The following MXRA5 variants were observed in gnomAD, a reference collection of about 807,000 sequenced individuals.
MXRA5 encodes matrix-remodeling-associated protein 5.
Under a neutral mutation model 112.5 loss-of-function variants are expected in MXRA5, and 41 were observed. The observed-to-expected ratio is 0.36, with a 90% CI of 0.28 to 0.47. The LOEUF (loss-of-function observed/expected upper bound fraction) is 0.47, where lower values mean the gene tolerates loss of function less well. MXRA5 is among the 20% of genes least tolerant of loss of function. The probability of loss-of-function intolerance (pLI) is 0.99; values close to 1 mark genes in which losing one functional copy is unlikely to be tolerated. For synonymous variants in MXRA5, 862 were observed against 900.8 expected, an observed-to-expected ratio of 0.96 and a Z score of 0.77; for missense variants, 2,150 against 2,251.0, an observed-to-expected ratio of 0.96 and a Z score of 0.91.
chrX:3,317,665 C>T lies in MXRA5; in HGVS notation c.6016G>A (p.Glu2006Lys). 1 of 1,203,381 alleles carries T rather than the reference C, an allele frequency of 8.3e-7. No individual in the cohort carries two copies. Among genetic ancestry groups the T allele is most frequent in the Non-Finnish European group, 1.1e-6 (1 of 889,756 alleles). The change falls in exon 6 of 7, where the codon GAA (glutamate) becomes AAA (lysine). Residue 2006 changes from glutamate (E) to lysine (K), a missense_variant. By Grantham distance (56) the Glu-to-Lys change is moderately conservative (BLOSUM62 1). This residue lies in a region of MXRA5 where 1,485 missense variants were observed against 1,471.6 expected (regional missense o/e 1.01). Coordinates refer to ENST00000217939, the MANE Select transcript of MXRA5 (RefSeq NM_015419.4). ...SPVEGRITLH[E>K]NRTLSIKEAS... ...TCCTTGATGGAAAGGGTCCGGTTTT[C>T]GTGCAGGGTGATGCGGCCCTCCACG...
chrX:3,341,496 ATAT>A (rs1161285264), intron 2 of MXRA5, among the ~76,000 whole-genome samples: 2 of 21,733 alleles, frequency 9.2e-5, no homozygotes, highest in African/African-American at 9.4e-4. Context: ...TATGTAATAT[ATAT>A]TATTATTATA....
Position 3,311,113 on chromosome X carries a change from C to A in MXRA5, c.7090G>T (p.Val2364Phe). Residue 2364 changes from valine (V) to phenylalanine (F), a missense_variant, in exon 7 of 7, where the codon GTC becomes TTC. Around this residue, in one of 6 missense-constraint regions of MXRA5, gnomAD observed 1,485 missense variants for 1,471.6 expected, o/e 1.01. Transcript: ENST00000217939. ...LAVQVPYGDVVTVACEAKGEP... is the reference protein window; with the variant it reads ...LAVQVPYGDVFTVACEAKGEP... ...CCTTTGGCCTCACAGGCTACAGTGA[C>A]CACGTCTCCATAGGGCACCTGAACC... 8.3e-7 allele frequency: 1 copy of A among 1,211,628 alleles called. No homozygotes were observed.
chrX:3,334,305 A>G (rs920078837), intron 2 of MXRA5, among the ~76,000 whole-genome samples: 1 of 111,898 alleles, frequency 8.9e-6, no homozygotes. Flanking sequence ...GAGGTCAGGC[A>G]CACTTCACGT....
rs950461411 is a variant in MXRA5, at chrX:3,308,622, A to G, written c.*1094T>C. Reference sequence around the variant, plus strand: ...TACAGTATATTGACCTTAAAAATACAGTAAAGCAGTCATGGAAATAACAGG... The same window carrying G: ...TACAGTATATTGACCTTAAAAATACGGTAAAGCAGTCATGGAAATAACAGG... On this transcript the variant is annotated 3_prime_UTR_variant, in exon 7 of 7. Coordinates refer to ENST00000217939, the MANE Select transcript of MXRA5 (RefSeq NM_015419.4). The G allele has an allele frequency of 1.8e-5, 2 of 112,192 alleles. No individual in the cohort carries two copies. Among genetic ancestry groups the G allele is most frequent in the African/African-American group, 6.5e-5 (2 of 30,832 alleles). The allele number at this position is 112,192 out of a possible 1,213,427, so 9.2% of individuals were successfully genotyped here.
At chrX:3,329,153 A>AGAAGGAAG (rs201326721) in intron 4 of MXRA5, among the ~76,000 whole-genome samples, 15 of 66,900 alleles carry the variant, frequency 2.2e-4, no homozygotes, top group Admixed American at 3.8e-4. Flanking sequence ...AAGGAAGGAG[A>AGAAGGAAG]GAAGGAAGGA....
rs769002082 is a variant in MXRA5 at position 3,310,515 on chromosome X, T to C, written c.7688A>G (p.Asn2563Ser). ...TGTCGGGGTCCCCGCGGCAGAGCAG[T>C]TGAGGCTGATGGTGTGGCCCGCCAT... ...TAMAGHTISL[N>S]CSAAGTPTPS... The change falls in exon 7 of 7, where the codon AAC (asparagine) becomes AGC (serine). Residue 2563 changes from asparagine (N) to serine (S), a missense_variant. Physicochemically the swap from Asn to Ser is conservative, Grantham distance 46. Around this residue, in one of 6 missense-constraint regions of MXRA5, gnomAD observed 93 missense variants for 135.5 expected, o/e 0.69. Transcript: ENST00000217939. 4.2e-6 allele frequency: 5 copies of C among 1,195,808 alleles called. No homozygotes were observed. Among genetic ancestry groups the C allele is most frequent in the Non-Finnish European group, 5.6e-6 (5 of 889,238 alleles).
At chrX:3,330,841 C>T in intron 2 of MXRA5, 68 bp from the exon 3 acceptor site, 1 of 797,104 alleles carries the variant, frequency 1.3e-6, no homozygotes, top group African/African-American at 2.1e-5. Flanking sequence ...ATACTTAACT[C>T]CCATATGGGA....
At position 3,317,216 on chromosome X, in the gene MXRA5, C is replaced by T; in HGVS notation, c.6465G>A (p.Arg2155=). 1 of 1,211,293 alleles carries T rather than the reference C, an allele frequency of 8.3e-7. No individual in the cohort carries two copies. Among genetic ancestry groups the T allele is most frequent in the Non-Finnish European group, 1.1e-6 (1 of 895,385 alleles). ...NARITGTSPR[R]TDVRYGGTLK... is the part of the protein sequence containing the mutation. ...GGGTTCCTCCGTACCTGACGTCCGT[C>T]CTCCGCGGGGAGGTGCCCGTGATGC... The change falls in exon 6 of 7, where the codon AGG becomes AGA. Residue 2155 remains arginine, a synonymous_variant. Coordinates refer to ENST00000217939, the MANE Select transcript of MXRA5 (RefSeq NM_015419.4).
chrX:3,311,755 GC>G, intron 6 of MXRA5, 131 bp from the exon 7 acceptor site: 1 of 534,253 alleles, frequency 1.9e-6, no homozygotes, highest in Non-Finnish European at 3.0e-6. Context: ...ATTGCAGAAT[GC>G]CCAGTGGTTT....
Position 3,311,465 on chromosome X carries a change from T to C in MXRA5, c.6738A>G (p.Glu2246=). 1 of 1,211,680 alleles carries C rather than the reference T, an allele frequency of 8.3e-7. No individual in the cohort carries two copies. ...CTTTGTGGTCGTTCTCCTCCTTGTG[T>C]TCAATCTTGGCCGGTTTCATCACCA... ...VDVVMKPAKI[E]HKEENDHKVF... The change falls in exon 7 of 7, where the codon GAA becomes GAG. Residue 2246 remains glutamate, a synonymous_variant. Transcript: ENST00000217939.
chrX:3,315,399 A>AGATAGATAGATAGAT lies in MXRA5; in HGVS notation c.6578+1689_6578+1703dup, dbSNP rs1569181378. On this transcript the variant is annotated intron_variant, in intron 6 of 6. Transcript: ENST00000217939. Reference sequence around the variant, plus strand: ...ATAGATAGATAGATAGATGATAGATAGATAGATAGATAGATAGATAGAACC... The same window carrying AGATAGATAGATAGAT: ...ATAGATAGATAGATAGATGATAGATAGATAGATAGATAGATGATAGATAGATAGATAGATAGAACC... 9.2e-3 allele frequency among the ~76,000 whole-genome samples: 463 copies of AGATAGATAGATAGAT among 50,380 alleles called. 38 individuals carry two copies. Among genetic ancestry groups the AGATAGATAGATAGAT allele is most frequent in the African/African-American group, 0.031 (434 of 13,966 alleles). The allele number at this position is 50,380 out of a possible 115,157, so 43.7% of individuals were successfully genotyped here.
intron 2 of MXRA5, among the ~76,000 whole-genome samples, chrX:3,338,768 G>T (rs1034953367): frequency 1.8e-5 from 2 of 110,438 alleles, no homozygotes; most frequent in Non-Finnish European, 3.8e-5. Flanking sequence ...AGATAGATTG[G>T]CTGATTGATG....
At chrX:3,340,639 A>G (rs1258800035) in intron 2 of MXRA5, among the ~76,000 whole-genome samples, 3 of 111,012 alleles carry the variant, frequency 2.7e-5, no homozygotes, top group Non-Finnish European at 3.8e-5. Flanking sequence ...GTTAAAGTCA[A>G]TCTTTATCGT....
Position 3,320,939 on chromosome X carries a change from A to G in MXRA5, c.4746T>C (p.Gly1582=), listed in dbSNP as rs1158423466. 1 of 1,210,158 alleles carries G rather than the reference A, an allele frequency of 8.3e-7. No individual in the cohort carries two copies. Among genetic ancestry groups the G allele is most frequent in the Non-Finnish European group, 1.1e-6 (1 of 895,320 alleles). Residue 1582 remains glycine (G), a synonymous_variant, in exon 5 of 7, where the codon GGT becomes GGC. Transcript: ENST00000217939. ...TKLELEKQVF[G]SRSLPRGPDS... is the part of the protein sequence containing the mutation. ...CTGGGCCACGTGGTAGACTCCTACT[A>G]CCAAATACTTGCTTTTCCAATTCCA...
intron 3 of MXRA5, 72 bp downstream of exon 3, chrX:3,330,572 C>A: frequency 8.6e-7 from 1 of 1,162,792 alleles, no homozygotes; most frequent in Non-Finnish European, 1.1e-6. Flanking sequence ...AGGAGAATGA[C>A]ATAATTTCTA....
At chrX:3,334,228 C>T (rs775949469) in intron 2 of MXRA5, among the ~76,000 whole-genome samples, 3 of 111,603 alleles carry the variant, frequency 2.7e-5, no homozygotes, top group South Asian at 7.6e-4. Context: ...GTGATCTACC[C>T]GCCTCGGCCT....
chrX:3,311,475 G>A lies in MXRA5; in HGVS notation c.6728C>T (p.Ala2243Val). ...VLKVDVVMKP[A>V]KIEHKEENDH... ...GTTCTCCTCCTTGTGTTCAATCTTG[G>A]CCGGTTTCATCACCACATCCACTTT... The change falls in exon 7 of 7, where the codon GCC (alanine) becomes GTC (valine). Residue 2243 changes from alanine (A) to valine (V), a missense_variant. Coordinates refer to ENST00000217939, the MANE Select transcript of MXRA5 (RefSeq NM_015419.4). The A allele has an allele frequency of 8.3e-7, 1 of 1,211,429 alleles. No homozygotes were observed. The highest frequency in any genetic ancestry group is 1.1e-6 in the Non-Finnish European group (1 of 895,518).
Position 3,323,321 on chromosome X carries a change from G to T in MXRA5, c.2364C>A (p.Ala788=). The change falls in exon 5 of 7, where the codon GCC becomes GCA. Residue 788 remains alanine (A), a synonymous_variant. Transcript: ENST00000217939. ...TAGGGAGATTTTTCCCACGGACTTT[G>T]GCTAAAATATCAGCCCAGCGCTCCG... ...INPERWADIL[A]KVRGKNLPKG... 8.3e-7 allele frequency: 1 copy of T among 1,211,653 alleles called. No homozygotes were observed. Among genetic ancestry groups the T allele is most frequent in the African/African-American group, 1.7e-5 (1 of 57,744 alleles).
intron 2 of MXRA5, among the ~76,000 whole-genome samples, chrX:3,332,474 G>C (rs1369404188): frequency 1.8e-5 from 2 of 111,499 alleles, no homozygotes; most frequent in African/African-American, 3.3e-5. Flanking sequence ...TCGATCTCCT[G>C]ACCTCCTGAT....
Sources: gnomAD v4.1 joint callset for allele counts (sites outside exome capture counted in the v4.1 genomes callset) on GRCh38, gnomAD v4.1.1 for gene constraint, gnomAD v4.1.1 regional missense constraint, MANE v1.5 for transcripts, NCBI Gene and HGNC (gene_info 2026-07-23, HGNC 2026-07-21) for gene names.